The following MAP3K4 variants were observed in gnomAD, a reference collection of about 807,000 sequenced individuals.
The protein encoded by MAP3K4 is mitogen-activated protein kinase kinase kinase 4, also known as MAP three kinase 1.
MAP3K4 carries 67 observed loss-of-function variants against 185.6 expected under a neutral mutation model. The observed-to-expected ratio is 0.36, with a 90% CI of 0.30 to 0.44. The LOEUF (loss-of-function observed/expected upper bound fraction) is 0.44, where lower values mean the gene tolerates loss of function less well. Ranked by LOEUF, MAP3K4 falls within the 20% of genes least tolerant of loss-of-function variation. The pLI, the probability that MAP3K4 is intolerant of heterozygous loss-of-function variation, is 1.00. For synonymous variants in MAP3K4, 702 were observed against 710.4 expected, an observed-to-expected ratio of 0.99 and a Z score of 0.19; for missense variants, 1,551 against 1,995.1, an observed-to-expected ratio of 0.78 and a Z score of 4.24.
At position 161,049,604 on chromosome 6, in the gene MAP3K4, T is replaced by A. The variant is rs1583166557; in HGVS notation, c.1332T>A (p.Gly444=). The A allele has an allele frequency of 6.2e-7, 1 of 1,613,812 alleles. No homozygotes were observed. Residue 444 remains glycine (G), a synonymous_variant, in exon 3 of 27, where the codon GGT becomes GGA. Transcript: ENST00000392142. This position sits in a 1 kb window ranked among gnomAD's most constrained non-coding sequence, Gnocchi z 8.4. ...AAGGTAATGAGCCGGAGTATGAGGG[T>A]GATGACACAGAAGGAGAATTAAAGG... ...PSKGNEPEYE[G]DDTEGELKEL...
rs1777706800 is a variant in MAP3K4, at chr6:161,098,913, G to A, written c.3674+486G>A. On this transcript the variant is annotated intron_variant, in intron 17 of 26. Transcript: ENST00000392142. This position sits in a 1 kb window ranked among gnomAD's most constrained non-coding sequence, Gnocchi z 4.4. ...TAGAAGTGGAAAAATGAGTTCATGG[G>A]GTTTGTATGTCATATGGAGAACAGA... 6.6e-6 allele frequency among the ~76,000 whole-genome samples: 1 copy of A among 152,196 alleles called. No individual in the cohort carries two copies. The highest frequency in any genetic ancestry group is 6.5e-5 in the Admixed American group (1 of 15,286).
chr6:161,113,597 T>G lies in MAP3K4; in HGVS notation c.4626+823T>G, dbSNP rs149257079. ...GCACACTAACGCGAACTACACATAG[T>G]AGAGGAAACTGTGGGACAGGGAGGG... On this transcript the variant is annotated intron_variant, in intron 25 of 26. Coordinates refer to ENST00000392142, the MANE Select transcript of MAP3K4 (RefSeq NM_005922.4). Among the ~76,000 whole-genome samples, 201 of 152,146 alleles carry G rather than the reference T, an allele frequency of 1.3e-3. 2 individuals carry two copies. The highest frequency in any genetic ancestry group is 4.6e-3 in the African/African-American group (192 of 41,496).
chr6:160,992,280 G>A, intron 1 of MAP3K4, 197 bp downstream of exon 1: 1 of 694,902 alleles, frequency 1.4e-6, no homozygotes, highest in Non-Finnish European at 2.2e-6. Flanking sequence ...GACTCCTCCC[G>A]GGGTTGCAGC....
chr6:161,081,289 G>A (rs1272238382), intron 6 of MAP3K4, among the ~76,000 whole-genome samples: 2 of 150,258 alleles, frequency 1.3e-5, no homozygotes, highest in African/African-American at 2.5e-5. Context: ...TCCTGGCAGC[G>A]AGTGGGCGGG....
At chr6:161,031,245 A>G (rs1238315931) in intron 1 of MAP3K4, among the ~76,000 whole-genome samples, 2 of 152,232 alleles carry the variant, frequency 1.3e-5, no homozygotes, top group Non-Finnish European at 1.5e-5. Context: ...GTTAGCTTCT[A>G]TAGAATTATT....
chr6:161,080,693 T>C lies in MAP3K4; in HGVS notation c.2098-188T>C, dbSNP rs1785409072. 1 of 546,396 alleles carries C rather than the reference T, an allele frequency of 1.8e-6. No homozygotes were observed. Among genetic ancestry groups the C allele is most frequent in the East Asian group, 3.2e-5 (1 of 31,584 alleles). The allele number at this position is 546,396 out of a possible 1,614,324, so 33.8% of individuals were successfully genotyped here. On this transcript the variant is annotated intron_variant, in intron 5 of 26. Transcript: ENST00000392142. This position sits in a 1 kb window ranked among gnomAD's most constrained non-coding sequence, Gnocchi z 4.8. Reference sequence around the variant, plus strand: ...AATTGCTGGGGAGTTAGTTTTGTGATTTTTTAAAAAATCCTCATTTAGACC... The same window carrying C: ...AATTGCTGGGGAGTTAGTTTTGTGACTTTTTAAAAAATCCTCATTTAGACC...
intron 1 of MAP3K4, among the ~76,000 whole-genome samples, chr6:160,995,327 A>G (rs1209902988): frequency 2.7e-4 from 41 of 151,988 alleles, no homozygotes; most frequent in Admixed American, 2.7e-3. Context: ...CTAGAATAAA[A>G]CTCTGTTTGC....
intron 1 of MAP3K4, among the ~76,000 whole-genome samples, chr6:160,999,166 G>C (rs1378253547): frequency 6.6e-6 from 1 of 152,212 alleles, no homozygotes; most frequent in Non-Finnish European, 1.5e-5. Context: ...GATGTTTTCA[G>C]TGGAAGCTTT....
At chr6:161,094,997 T>G (rs1015219170) in intron 15 of MAP3K4, among the ~76,000 whole-genome samples, 1 of 152,220 alleles carries the variant, frequency 6.6e-6, no homozygotes, top group African/African-American at 2.4e-5. Context: ...TGGAAGATGT[T>G]CATTTAGAAA....
chr6:161,040,975 G>T (rs1313155831), intron 2 of MAP3K4, among the ~76,000 whole-genome samples: 2 of 152,242 alleles, frequency 1.3e-5, no homozygotes, highest in Admixed American at 6.5e-5. Flanking sequence ...TTGAGTTAAT[G>T]AAAGGGAGAT....
Position 161,084,551 on chromosome 6 carries a change from G to T in MAP3K4, c.2306G>T (p.Gly769Val). The T allele has an allele frequency of 1.2e-6, 2 of 1,612,324 alleles. No homozygotes were observed. The highest frequency in any genetic ancestry group is 8.5e-7 in the Non-Finnish European group (1 of 1,178,376). Residue 769 changes from glycine (G) to valine (V), a missense_variant, in exon 7 of 27, where the codon GGC becomes GTC. This residue lies in a region of MAP3K4 where 130 missense variants were observed against 171.3 expected (regional missense o/e 0.76). Transcript: ENST00000392142. This position sits in a 1 kb window ranked among gnomAD's most constrained non-coding sequence, Gnocchi z 4.6. ...TCTACAGGAAGTTTTTTAGAATTTG[G>T]CTTACAGGAGAGCTGTGCTGAATTT... ...LKSTGSFLEF[G>V]LQESCAEFWT...
chr6:161,060,596 A>G (rs1784439304), intron 3 of MAP3K4, among the ~76,000 whole-genome samples: 1 of 150,812 alleles, frequency 6.6e-6, no homozygotes, highest in Non-Finnish European at 1.5e-5. Flanking sequence ...GTTGAGAGTC[A>G]GATATGTTTT....
At chr6:161,050,768 T>A (rs1422868862) in intron 3 of MAP3K4, among the ~76,000 whole-genome samples, 1 of 152,224 alleles carries the variant, frequency 6.6e-6, no homozygotes, top group East Asian at 1.9e-4. Context: ...GTGATTTTGC[T>A]TTTCTGGTGA....
At chr6:161,026,297 A>ATTT (rs58126149) in intron 1 of MAP3K4, among the ~76,000 whole-genome samples, 2 of 148,714 alleles carry the variant, frequency 1.3e-5, no homozygotes, top group African/African-American at 4.9e-5. Flanking sequence ...CGCGCAGCTA[A>ATTT]TTTTTTTTTT....
intron 2 of MAP3K4, among the ~76,000 whole-genome samples, chr6:161,041,654 C>G (rs1328890149): frequency 6.6e-6 from 1 of 152,172 alleles, no homozygotes; most frequent in Non-Finnish European, 1.5e-5. Context: ...GACATGGCCC[C>G]CAGGTGCACT....
At chr6:160,992,585 C>G (rs939715779) in intron 1 of MAP3K4, among the ~76,000 whole-genome samples, 1 of 152,158 alleles carries the variant, frequency 6.6e-6, no homozygotes, top group Non-Finnish European at 1.5e-5. Context: ...TCATCTCTTC[C>G]GTGAGAAATT....
intron 3 of MAP3K4, among the ~76,000 whole-genome samples, chr6:161,066,345 G>A (rs3798913): frequency 0.062 from 9,355 of 150,736 alleles, 506 homozygotes; most frequent in East Asian, 0.31. Flanking sequence ...CTGATCTTAC[G>A]TTAGAGCCGC....
chr6:161,080,795 C>G lies in MAP3K4; in HGVS notation c.2098-86C>G. On this transcript the variant is annotated intron_variant, in intron 5 of 26. Coordinates refer to ENST00000392142, the MANE Select transcript of MAP3K4 (RefSeq NM_005922.4). This position sits in a 1 kb window ranked among gnomAD's most constrained non-coding sequence, Gnocchi z 4.8. ...CAGCCCCCGGCCCGCCCCCACTTTA[C>G]CCTGCTGATGTGTAGCTTTCAGGTG... 1 of 1,269,538 alleles carries G rather than the reference C, an allele frequency of 7.9e-7. No homozygotes were observed. 78.6% of individuals were successfully genotyped at this position (1,269,538 alleles called of 1,614,324 possible). A position where few individuals can be genotyped will look rare whatever the true frequency, so the allele number is the denominator to read the frequency against.
At position 161,111,966 on chromosome 6, in the gene MAP3K4, C is replaced by A. The variant is rs113798076; in HGVS notation, c.4519+8C>A. 29 of 1,613,520 alleles carry A rather than the reference C, an allele frequency of 1.8e-5. No homozygotes were observed. The African/African-American group carries it at 2.3e-4, about 13-fold the overall frequency. ...GCACCCTGGGGACAGCAGGTAGGGACCAGCCTGGTTGTTCTTTGCACTCTG... is the reference window on the plus strand; with the variant it reads ...GCACCCTGGGGACAGCAGGTAGGGAACAGCCTGGTTGTTCTTTGCACTCTG... On this transcript the variant is annotated splice_region_variant and intron_variant, in intron 24 of 26. Coordinates refer to ENST00000392142, the MANE Select transcript of MAP3K4 (RefSeq NM_005922.4).
Sources: gnomAD v4.1 joint callset for allele counts (sites outside exome capture counted in the v4.1 genomes callset) on GRCh38, gnomAD v4.1.1 for gene constraint, gnomAD v4.1.1 regional missense constraint, Gnocchi (gnomAD v3.1) non-coding constraint, MANE v1.5 for transcripts, NCBI Gene and HGNC (gene_info 2026-07-23, HGNC 2026-07-21) for gene names.